CCDC149: variants seen among roughly 807,000 people sequenced by gnomAD.
The protein encoded by CCDC149 is coiled-coil domain-containing protein 149.
Under a neutral mutation model 59.9 loss-of-function variants are expected in CCDC149, and 45 were observed. The observed-to-expected ratio is 0.75, with a 90% confidence interval of 0.59 to 0.96. The LOEUF (loss-of-function observed/expected upper bound fraction) is 0.96. CCDC149 is among the 40% of genes least tolerant of loss of function. CCDC149 has a pLI of 0.00. For synonymous variants in CCDC149, 245 were observed against 260.6 expected (o/e 0.94, Z 0.58); for missense variants, 584 against 664.7 (o/e 0.88, Z 1.33).
At chr4:24,956,051 G>A (rs114011027) in intron 1 of CCDC149, among the ~76,000 whole-genome samples, 2,983 of 152,204 alleles carry the variant, frequency 0.02, 93 homozygotes, top group African/African-American at 0.068. Context: ...AGACTCTAGC[G>A]GTGGTTCTGA....
chr4:24,875,220 C>G (rs1439335042), intron 2 of CCDC149, among the ~76,000 whole-genome samples: 2 of 151,948 alleles, frequency 1.3e-5, no homozygotes, highest in African/African-American at 4.8e-5. Flanking sequence ...GTCCCAGCTA[C>G]TCGGGAGGCT....
intron 1 of CCDC149, among the ~76,000 whole-genome samples, chr4:24,922,782 T>G (rs1699905727): frequency 6.6e-6 from 1 of 152,336 alleles, no homozygotes. Flanking sequence ...ATATTCCAAG[T>G]GTGTGAGATG....
At chr4:24,914,594 G>A (rs923289837), upstream of CCDC149, among the ~76,000 whole-genome samples, 24 of 17,596 alleles carry the variant, frequency 1.4e-3, no homozygotes, top group Admixed American at 0.013. Flanking sequence ...ACCCCCACCC[G>A]CACAGCTGAT....
At chr4:24,926,272 G>C (rs1722432078) in intron 1 of CCDC149, among the ~76,000 whole-genome samples, 1 of 152,172 alleles carries the variant, frequency 6.6e-6, no homozygotes, top group Non-Finnish European at 1.5e-5. Flanking sequence ...ACAGAAAGAA[G>C]TTAGTCAGCA....
intron 12 of CCDC149, among the ~76,000 whole-genome samples, chr4:24,812,330 G>T (rs1403112147): frequency 6.6e-6 from 1 of 152,138 alleles, no homozygotes; most frequent in Non-Finnish European, 1.5e-5. Context: ...CCAGTGATCT[G>T]CCATCTGTTT....
In CCDC149 at chr4:24,888,301, T is replaced by C. The variant is rs141929111; in HGVS notation, c.64-11604A>G. Among the ~76,000 whole-genome samples the C allele has an allele frequency of 9.6e-3, 1,466 of 152,298 alleles. 12 individuals carry two copies. The highest frequency in any genetic ancestry group is 0.017 in the Middle Eastern group (5 of 294). On this transcript the variant is annotated intron_variant, in intron 1 of 12. Transcript: ENST00000635206. ...ATATATAGATAGATAGATTTACATATTTTAGTCAGATAGCCATCAATTTAT... is the reference window on the plus strand; with the variant it reads ...ATATATAGATAGATAGATTTACATACTTTAGTCAGATAGCCATCAATTTAT...
intron 9 of CCDC149, among the ~76,000 whole-genome samples, chr4:24,824,995 T>C (rs913912395): frequency 2.0e-5 from 3 of 152,180 alleles, no homozygotes; most frequent in African/African-American, 7.2e-5. Flanking sequence ...GGGAGCCCAC[T>C]GAACCTGGTA....
upstream of CCDC149, among the ~76,000 whole-genome samples, chr4:24,915,566 T>C (rs191133160): frequency 1.3e-4 from 20 of 152,352 alleles, no homozygotes; most frequent in Admixed American, 1.3e-3. Flanking sequence ...CCCTATTTGC[T>C]TTCCTTCTCC....
At chr4:24,935,470 C>A (rs1237687663) in intron 1 of CCDC149, among the ~76,000 whole-genome samples, 1 of 152,110 alleles carries the variant, frequency 6.6e-6, no homozygotes, top group Admixed American at 6.5e-5. Context: ...TAAAACCTAA[C>A]CCCCAATATG....
intron 1 of CCDC149, among the ~76,000 whole-genome samples, chr4:24,905,056 C>T (rs1721391438): frequency 6.6e-6 from 1 of 152,002 alleles, no homozygotes; most frequent in South Asian, 2.1e-4. Flanking sequence ...TGCACACCAC[C>T]ATGCCTGCCT....
chr4:24,821,038 T>C lies in CCDC149; in HGVS notation c.1075+17A>G. 1 of 1,228,682 alleles carries C rather than the reference T, an allele frequency of 8.1e-7. No individual in the cohort carries two copies. Among genetic ancestry groups the C allele is most frequent in the Non-Finnish European group, 1.0e-6 (1 of 985,260 alleles). The allele number at this position is 1,228,682 out of a possible 1,614,324, so 76.1% of individuals were successfully genotyped here. A position where few individuals can be genotyped will look rare whatever the true frequency, so the allele number is the denominator to read the frequency against. On this transcript the variant is annotated intron_variant, in intron 11 of 12. Coordinates refer to ENST00000635206, the MANE Select transcript of CCDC149 (RefSeq NM_001330643.2). The stretch of plus-strand genomic sequence containing the variant: ...CTGATATTAGCCACAAAAACGGATA[T>C]TTTAAACAGAACATACTCCCAAATC...
At chr4:24,879,975 C>A (rs1158053036) in intron 1 of CCDC149, among the ~76,000 whole-genome samples, 2 of 152,208 alleles carry the variant, frequency 1.3e-5, no homozygotes, top group Non-Finnish European at 2.9e-5. Flanking sequence ...AGTTCAGAAG[C>A]AAGGAACAGT....
chr4:24,840,020 C>T (rs1247784380), intron 4 of CCDC149, among the ~76,000 whole-genome samples: 1 of 152,054 alleles, frequency 6.6e-6, no homozygotes, highest in African/African-American at 2.4e-5. Flanking sequence ...TTCAGAGTCT[C>T]TGAAGGATTT....
intron 1 of CCDC149, among the ~76,000 whole-genome samples, chr4:24,939,221 G>A (rs535509530): frequency 6.6e-6 from 1 of 152,316 alleles, no homozygotes; most frequent in Admixed American, 6.5e-5. Context: ...TCAGGCAGCA[G>A]CATTTGCGGT....
chr4:24,919,811 T>C (rs1174081399), intron 1 of CCDC149, among the ~76,000 whole-genome samples: 5 of 152,248 alleles, frequency 3.3e-5, no homozygotes, highest in Admixed American at 2.6e-4. Context: ...TGTGACTCTA[T>C]GAAATTAATT....
At chr4:24,836,884 A>G (rs1716571400) in intron 6 of CCDC149, among the ~76,000 whole-genome samples, 1 of 152,210 alleles carries the variant, frequency 6.6e-6, no homozygotes, top group Non-Finnish European at 1.5e-5. Flanking sequence ...CCTCAGGGAA[A>G]AGAAACGGCT....
chr4:24,815,904 C>A (rs1714986163), intron 12 of CCDC149, among the ~76,000 whole-genome samples: 1 of 151,976 alleles, frequency 6.6e-6, no homozygotes, highest in Non-Finnish European at 1.5e-5. Context: ...AAAACACAGC[C>A]ACGATAAGAG....
At position 24,857,780 on chromosome 4, in the gene CCDC149, T is replaced by A. The variant is rs139641595; in HGVS notation, c.265-4601A>T. 3.9e-5 allele frequency among the ~76,000 whole-genome samples: 6 copies of A among 152,298 alleles called. No homozygotes were observed. In the East Asian group the frequency reaches 1.2e-3, roughly 29 times the overall value. On this transcript the variant is annotated intron_variant, in intron 3 of 12. Transcript: ENST00000635206. ...TTAAAATCGCAATCCTCCAAGTGAG[T>A]TCACTGTAAATCTACCCCAGCTTTA...
intron 10 of CCDC149, among the ~76,000 whole-genome samples, chr4:24,821,720 GGGGAGAT>G (rs1420465016): frequency 6.6e-6 from 1 of 152,200 alleles, no homozygotes; most frequent in Non-Finnish European, 1.5e-5. Flanking sequence ...TCCAGGGAAA[GGGGAGAT>G]GGTGGAAATG....
Sources: allele counts gnomAD v4.1 joint callset (sites outside exome capture counted in the v4.1 genomes callset), GRCh38; gene constraint gnomAD v4.1.1; transcripts MANE v1.5; gene names NCBI Gene and HGNC (gene_info 2026-07-23, HGNC 2026-07-21).